Variants in PRKAG2 observed in about 807,000 individuals in gnomAD.
The protein encoded by PRKAG2 is protein kinase AMP-activated non-catalytic subunit gamma 2.
PRKAG2 carries 26 observed loss-of-function variants against 69.6 expected under a neutral mutation model. The ratio of observed to expected loss-of-function variants is 0.37; its 90% CI spans 0.27 to 0.52. The LOEUF is 0.52. Ranked by LOEUF, PRKAG2 falls within the 20% of genes least tolerant of loss-of-function variation. PRKAG2 has a pLI of 0.90. For synonymous variants in PRKAG2, 293 were observed against 285.0 expected, an observed-to-expected ratio of 1.03 and a Z score of -0.28; for missense variants, 557 against 740.0, an observed-to-expected ratio of 0.75 and a Z score of 2.87.
chr7:151,650,815 C>G (rs903268728), intron 4 of PRKAG2, among the ~76,000 whole-genome samples: 1 of 152,160 alleles, frequency 6.6e-6, no homozygotes, highest in Non-Finnish European at 1.5e-5. Context: ...TTCATTTTGT[C>G]AAATCTCAGC....
At chr7:151,851,682 C>A (rs985297967) in intron 1 of PRKAG2, among the ~76,000 whole-genome samples, 1 of 152,134 alleles carries the variant, frequency 6.6e-6, no homozygotes, top group Admixed American at 6.5e-5. Context: ...CTCCTGGGGC[C>A]CCACTCTGCA....
intron 3 of PRKAG2, among the ~76,000 whole-genome samples, chr7:151,769,780 T>C (rs1335246356): frequency 2.6e-5 from 4 of 152,174 alleles, no homozygotes; most frequent in African/African-American, 9.6e-5. Context: ...CAGGTGGCAC[T>C]GCTTGCGGGG....
chr7:151,727,219 A>G (rs1286282615), intron 3 of PRKAG2, among the ~76,000 whole-genome samples: 5 of 151,988 alleles, frequency 3.3e-5, no homozygotes, highest in Non-Finnish European at 7.4e-5. Flanking sequence ...CAGTCTCAAA[A>G]AAAAAAACAA....
At chr7:151,720,837 A>C (rs1211544415) in intron 3 of PRKAG2, among the ~76,000 whole-genome samples, 3 of 133,752 alleles carry the variant, frequency 2.2e-5, no homozygotes, top group Non-Finnish European at 4.7e-5. Flanking sequence ...TAGAGGGGAC[A>C]GAAGGGCATG....
At chr7:151,663,609 C>G (rs1160131265) in intron 4 of PRKAG2, among the ~76,000 whole-genome samples, 1 of 152,224 alleles carries the variant, frequency 6.6e-6, no homozygotes, top group African/African-American at 2.4e-5. Flanking sequence ...ATCTGCCCAC[C>G]TCGGCCTCCT....
At chr7:151,670,814 C>T (rs946736596) in intron 4 of PRKAG2, among the ~76,000 whole-genome samples, 8 of 152,194 alleles carry the variant, frequency 5.3e-5, no homozygotes, top group Non-Finnish European at 1.0e-4. Flanking sequence ...TCCTATTACC[C>T]ATGCTAGCAG....
At chr7:151,742,523 C>T (rs2073965677) in intron 3 of PRKAG2, among the ~76,000 whole-genome samples, 1 of 151,904 alleles carries the variant, frequency 6.6e-6, no homozygotes, top group Admixed American at 6.6e-5. Flanking sequence ...ACTCGAGAGG[C>T]TGAGGCAGGA....
chr7:151,588,088 G>A lies in PRKAG2; in HGVS notation c.864+7257C>T, dbSNP rs375368467. On this transcript the variant is annotated intron_variant, in intron 6 of 15. Transcript: ENST00000287878. ...ACATTGCCACTGTGAGGAAAAGCCT[G>A]GATCATTCCTAATGCTTCCCCCCAC... Among the ~76,000 whole-genome samples, 103 of 152,246 alleles carry A rather than the reference G, an allele frequency of 6.8e-4. 1 individual carries two copies. The Middle Eastern group carries it at 0.031, about 45-fold the overall frequency.
At chr7:151,589,448 C>T (rs975734225) in intron 6 of PRKAG2, among the ~76,000 whole-genome samples, 6 of 152,178 alleles carry the variant, frequency 3.9e-5, no homozygotes, top group East Asian at 1.9e-4. Context: ...TGATGAGCTG[C>T]GTTTTTAAAA....
intron 3 of PRKAG2, among the ~76,000 whole-genome samples, chr7:151,680,044 C>T (rs1200685838): frequency 6.6e-6 from 1 of 152,110 alleles, no homozygotes; most frequent in Non-Finnish European, 1.5e-5. Flanking sequence ...ACAGCAAGAT[C>T]CTATCTCACA....
At position 151,570,160 on chromosome 7, in the gene PRKAG2, A is replaced by C; in HGVS notation, c.1106+11T>G. On this transcript the variant is annotated intron_variant, in intron 10 of 15. Transcript: ENST00000287878. The stretch of plus-strand genomic sequence containing the variant: ...AATGAATGTTTTCAAAGAAAAAAAA[A>C]ACAAGTTTACCTTGCATCTGGAGAT... 1 of 1,597,860 alleles carries C rather than the reference A, an allele frequency of 6.3e-7. No homozygotes were observed. Among genetic ancestry groups the C allele is most frequent in the African/African-American group, 1.3e-5 (1 of 74,716 alleles).
At chr7:151,657,958 G>C (rs1829699364) in intron 4 of PRKAG2, among the ~76,000 whole-genome samples, 1 of 151,664 alleles carries the variant, frequency 6.6e-6, no homozygotes. Context: ...AGGAGTTTGA[G>C]ACCAGCCTGG....
At chr7:151,566,614 C>A (rs965020049) in intron 11 of PRKAG2, 1 of 446,174 alleles carries the variant, frequency 2.2e-6, no homozygotes. Context: ...CCTGGTGTAC[C>A]TTATAATTAT....
chr7:151,824,241 C>T (rs979883561), intron 1 of PRKAG2, among the ~76,000 whole-genome samples: 1 of 152,144 alleles, frequency 6.6e-6, no homozygotes, highest in Non-Finnish European at 1.5e-5. Context: ...TAGCTGGAAG[C>T]TTCGTAATTG....
At chr7:151,852,446 G>T (rs1203440143) in intron 1 of PRKAG2, among the ~76,000 whole-genome samples, 3 of 152,266 alleles carry the variant, frequency 2.0e-5, no homozygotes, top group Admixed American at 6.5e-5. Context: ...AGTGAGTCAA[G>T]ATCGCACCAC....
intron 4 of PRKAG2, among the ~76,000 whole-genome samples, chr7:151,650,526 T>C (rs73481910): frequency 0.013 from 1,943 of 152,250 alleles, 44 homozygotes; most frequent in African/African-American, 0.044. Context: ...CAGTGACATA[T>C]GCTGACACGC....
At chr7:151,595,263 G>A in intron 6 of PRKAG2, 82 bp downstream of exon 6, 2 of 962,462 alleles carry the variant, frequency 2.1e-6, no homozygotes, top group Non-Finnish European at 1.6e-6. Context: ...ACGTTTGCTG[G>A]CATTGCTGGT....
rs1765763267 is a variant in PRKAG2, at chr7:151,699,640, T to C, written c.467-24003A>G. ...ACAGGGAAGAACTGGAAGTGGGATA[T>C]GCAGTGCCTGGGCTTGGGGTAACAG... On this transcript the variant is annotated intron_variant, in intron 3 of 15. Coordinates refer to ENST00000287878, the MANE Select transcript of PRKAG2 (RefSeq NM_016203.4). This position sits in a 1 kb window ranked among gnomAD's most constrained non-coding sequence, Gnocchi z 4.5. 1.3e-5 allele frequency among the ~76,000 whole-genome samples: 2 copies of C among 152,168 alleles called. No homozygotes were observed. Among genetic ancestry groups the C allele is most frequent in the South Asian group, 2.1e-4 (1 of 4,832 alleles).
intron 1 of PRKAG2, among the ~76,000 whole-genome samples, chr7:151,803,014 G>T (rs1265538917): frequency 4.0e-5 from 6 of 151,522 alleles, no homozygotes; most frequent in African/African-American, 1.5e-4. Context: ...CTGGAGCGCA[G>T]TGGTGTGATC....
Sources: allele counts gnomAD v4.1 joint callset (sites outside exome capture counted in the v4.1 genomes callset), GRCh38; gene constraint gnomAD v4.1.1; non-coding constraint Gnocchi (gnomAD v3.1); transcripts MANE v1.5; gene names NCBI Gene and HGNC (gene_info 2026-07-23, HGNC 2026-07-21).